Variants in OTOGL observed in about 807,000 individuals in gnomAD.
OTOGL encodes the protein otogelin-like protein.
In OTOGL, 285 loss-of-function variants were observed where a neutral mutation model predicts 318.5. That is an observed-to-expected ratio of 0.89 (90% CI 0.81 to 0.99). The LOEUF (loss-of-function observed/expected upper bound fraction) is 0.99, where lower values mean the gene tolerates loss of function less well. Ranked by LOEUF, OTOGL falls within the 50% of genes least tolerant of loss-of-function variation. OTOGL has a pLI of 0.00. For synonymous variants in OTOGL, 987 were observed against 936.5 expected (o/e 1.05, Z -0.99); for missense variants, 2,899 against 2,845.6 (o/e 1.02, Z -0.43).
intron 33 of OTOGL, among the ~76,000 whole-genome samples, 151 bp downstream of exon 33, chr12:80,318,864 G>A (rs968236423): frequency 1.3e-5 from 2 of 152,050 alleles, no homozygotes; most frequent in African/African-American, 4.8e-5. Context: ...TGGCATATCA[G>A]CCAGCTTTCT....
At chr12:80,148,188 G>A (rs1015353174) in intron 1 of OTOGL, among the ~76,000 whole-genome samples, 7 of 151,216 alleles carry the variant, frequency 4.6e-5, no homozygotes, top group African/African-American at 7.3e-5. Context: ...GCAGCGGCTG[G>A]TACCGGTTGT....
intron 1 of OTOGL, among the ~76,000 whole-genome samples, chr12:80,105,210 A>G (rs900934543): frequency 2.0e-5 from 3 of 152,234 alleles, no homozygotes; most frequent in African/African-American, 7.2e-5. Context: ...ATTTAAAACT[A>G]TTCTAAGAAC....
intron 57 of OTOGL, among the ~76,000 whole-genome samples, chr12:80,374,921 A>G (rs1002701265): frequency 2.0e-5 from 3 of 152,164 alleles, no homozygotes; most frequent in Admixed American, 1.3e-4. Flanking sequence ...GAAGGCAGGT[A>G]TGTTTTCCCT....
chr12:80,350,481 ATTG>A (rs1422588421), intron 44 of OTOGL, among the ~76,000 whole-genome samples: 5 of 152,138 alleles, frequency 3.3e-5, no homozygotes, highest in Non-Finnish European at 5.9e-5. Context: ...AAACCTCCAT[ATTG>A]TTTTCCACAA....
intron 44 of OTOGL, chr12:80,343,509 G>GTTTTTTTTTTTTTTTTTTTTT (rs58046272): frequency 3.1e-4 from 11 of 35,868 alleles, no homozygotes; most frequent in African/African-American, 1.0e-3. Context: ...TTTTATTCTT[G>GTTTTTTTTTTTTTTTTTTTTT]TTTTTTTTTT....
chr12:80,108,003 T>C (rs10778704), intron 1 of OTOGL, among the ~76,000 whole-genome samples: 84,026 of 151,820 alleles, frequency 0.55, 23,374 homozygotes, highest in Middle Eastern at 0.58. Flanking sequence ...GGTACTATGT[T>C]TATTACCCAC....
At chr12:80,307,859 G>C (rs1322123321) in intron 29 of OTOGL, among the ~76,000 whole-genome samples, 176 of 132,488 alleles carry the variant, frequency 1.3e-3, no homozygotes, top group African/African-American at 5.6e-3. Flanking sequence ...CGGCTGGCCG[G>C]GCGGGGGGCT....
At chr12:80,359,194 T>A (rs960390619) in intron 52 of OTOGL, among the ~76,000 whole-genome samples, 2 of 152,148 alleles carry the variant, frequency 1.3e-5, no homozygotes, top group African/African-American at 4.8e-5. Context: ...AAAATTATCT[T>A]AATATTGAGT....
intron 26 of OTOGL, among the ~76,000 whole-genome samples, chr12:80,288,463 G>A (rs938427858): frequency 2.6e-5 from 4 of 152,074 alleles, no homozygotes; most frequent in Non-Finnish European, 5.9e-5. Context: ...GGTTGGGGAA[G>A]TTCTCCTGGA....
At chr12:80,205,285 G>GA (rs1876734076) in intron 1 of OTOGL, among the ~76,000 whole-genome samples, 1 of 152,106 alleles carries the variant, frequency 6.6e-6, no homozygotes, top group African/African-American at 2.4e-5. Flanking sequence ...GTTGACAAGA[G>GA]AAAACTTTAG....
chr12:80,328,900 C>G (rs1054230201), intron 36 of OTOGL, 151 bp from the exon 37 acceptor site: 1 of 1,000,392 alleles, frequency 1.0e-6, no homozygotes, highest in Non-Finnish European at 1.5e-6. Context: ...TCCCTAATTA[C>G]TTTTTAAATC....
At chr12:80,212,978 T>A (rs1877388509) in intron 4 of OTOGL, among the ~76,000 whole-genome samples, 1 of 152,100 alleles carries the variant, frequency 6.6e-6, no homozygotes, top group South Asian at 2.1e-4. Context: ...TTGGTTCTCA[T>A]GCAAGAAAGA....
At chr12:80,308,331 G>A (rs1025358036) in intron 29 of OTOGL, among the ~76,000 whole-genome samples, 2 of 151,408 alleles carry the variant, frequency 1.3e-5, no homozygotes, top group Admixed American at 6.6e-5. Context: ...CTTCTCAGAC[G>A]GGGCGTCCGG....
intron 8 of OTOGL, 64 bp downstream of exon 8, chr12:80,229,442 C>G (rs980427677): frequency 6.6e-7 from 1 of 1,509,264 alleles, no homozygotes; most frequent in Non-Finnish European, 9.0e-7. Flanking sequence ...CCAAACATCA[C>G]ATGCTGGAAG....
At position 80,314,324 on chromosome 12, in the gene OTOGL, C is replaced by T. The variant is rs1886838621; in HGVS notation, c.3627C>T (p.Tyr1209=). The stretch of plus-strand genomic sequence containing the variant: ...TTTTAGCACTTGATTGTGAATACTA[C>T]AATGAAGGTATGTGACATTCAAATT... ...STVCSLDCEY[Y]NEGLGEGPYM... is the part of the protein sequence containing the mutation. The change falls in exon 32 of 59, where the codon TAC becomes TAT. Residue 1209 remains tyrosine, a synonymous_variant. Coordinates refer to ENST00000547103, the MANE Select transcript of OTOGL (RefSeq NM_001378609.3). 9.6e-7 allele frequency: 1 copy of T among 1,043,934 alleles called. No individual in the cohort carries two copies. Among genetic ancestry groups the T allele is most frequent in the Non-Finnish European group, 1.3e-6 (1 of 780,056 alleles). The allele number at this position is 1,043,934 out of a possible 1,614,324, so 64.7% of individuals were successfully genotyped here.
chr12:80,257,319 T>TG (rs1882143504), intron 17 of OTOGL, among the ~76,000 whole-genome samples: 1 of 151,456 alleles, frequency 6.6e-6, no homozygotes, highest in African/African-American at 2.4e-5. Flanking sequence ...TTTTTTTTTT[T>TG]TGGTACATGA....
At chr12:80,155,407 G>T (rs573463928) in intron 1 of OTOGL, among the ~76,000 whole-genome samples, 54 of 152,178 alleles carry the variant, frequency 3.5e-4, no homozygotes, top group Admixed American at 2.6e-3. Flanking sequence ...TATTCTAGGG[G>T]TTTTATGGTT....
intron 1 of OTOGL, among the ~76,000 whole-genome samples, chr12:80,122,405 A>T (rs559217847): frequency 1.3e-5 from 2 of 152,314 alleles, no homozygotes; most frequent in Admixed American, 1.3e-4. Context: ...TGGCAAAAAG[A>T]AAATGAGACT....
intron 49 of OTOGL, 66 bp downstream of exon 49, chr12:80,356,980 A>T: frequency 9.7e-7 from 1 of 1,030,036 alleles, no homozygotes; most frequent in South Asian, 2.1e-5. Context: ...CTCTTATTTG[A>T]TGTGAATTTT....
Sources: allele counts gnomAD v4.1 joint callset (sites outside exome capture counted in the v4.1 genomes callset), GRCh38; gene constraint gnomAD v4.1.1; transcripts MANE v1.5; gene names NCBI Gene and HGNC (gene_info 2026-07-23, HGNC 2026-07-21).